NTM: variants seen among roughly 807,000 people sequenced by gnomAD.
NTM encodes the protein neurotrimin.
NTM carries 13 observed loss-of-function variants against 42.1 expected under a neutral mutation model. The observed-to-expected ratio is 0.31, with a 90% CI of 0.20 to 0.49. The LOEUF (loss-of-function observed/expected upper bound fraction) is 0.49, where lower values mean the gene tolerates loss of function less well. Ranked by LOEUF, NTM falls within the 20% of genes least tolerant of loss-of-function variation. The probability of loss-of-function intolerance (pLI) is 0.99; values close to 1 mark genes in which losing one functional copy is unlikely to be tolerated. For synonymous variants in NTM, 187 were observed against 179.2 expected, an observed-to-expected ratio of 1.04 and a Z score of -0.35; for missense variants, 373 against 452.8, an observed-to-expected ratio of 0.82 and a Z score of 1.60.
intron 1 of NTM, among the ~76,000 whole-genome samples, chr11:131,699,392 T>C (rs1160002671): frequency 1.3e-5 from 2 of 152,106 alleles, no homozygotes; most frequent in Non-Finnish European, 2.9e-5. Flanking sequence ...GTAGAAAGCT[T>C]AAATTCAGTG....
intron 1 of NTM, among the ~76,000 whole-genome samples, chr11:131,515,460 C>G (rs1348115872): frequency 1.3e-5 from 2 of 152,138 alleles, no homozygotes; most frequent in East Asian, 3.9e-4. Context: ...GCTCTATCCT[C>G]CCCCAGCATG....
chr11:132,138,285 A>G (rs1331326628), intron 2 of NTM, among the ~76,000 whole-genome samples: 1 of 152,204 alleles, frequency 6.6e-6, no homozygotes, highest in Non-Finnish European at 1.5e-5. Flanking sequence ...AAGATAAAGT[A>G]TGTCTGGAAA....
chr11:131,773,010 CATAA>C (rs538733259), intron 1 of NTM, among the ~76,000 whole-genome samples: 90 of 152,288 alleles, frequency 5.9e-4, no homozygotes, highest in African/African-American at 2.2e-3. Context: ...GATGTACTGA[CATAA>C]ATAAAGGATA....
At chr11:131,622,271 G>A (rs1351909354) in intron 1 of NTM, among the ~76,000 whole-genome samples, 2 of 152,288 alleles carry the variant, frequency 1.3e-5, no homozygotes, top group Non-Finnish European at 2.9e-5. Context: ...TAAGAACAGA[G>A]GAAAGATGTA....
chr11:131,515,064 ACTATGC>A (rs1365398444), intron 1 of NTM, among the ~76,000 whole-genome samples: 1 of 152,058 alleles, frequency 6.6e-6, no homozygotes, highest in African/African-American at 2.4e-5. Context: ...AGCATGTGCC[ACTATGC>A]CTGGCTAAGT....
At chr11:132,323,414 T>G (rs1019603027) in intron 7 of NTM, among the ~76,000 whole-genome samples, 9 of 151,644 alleles carry the variant, frequency 5.9e-5, no homozygotes, top group African/African-American at 2.2e-4. Flanking sequence ...GCAAATAAAC[T>G]AGAAAATCTA....
At chr11:131,620,586 G>C (rs919125193) in intron 1 of NTM, among the ~76,000 whole-genome samples, 10 of 152,138 alleles carry the variant, frequency 6.6e-5, no homozygotes, top group Non-Finnish European at 1.2e-4. Flanking sequence ...AAACACACCA[G>C]GCATAATCCT....
chr11:132,185,958 A>G (rs2078326753), intron 3 of NTM, among the ~76,000 whole-genome samples: 1 of 152,222 alleles, frequency 6.6e-6, no homozygotes, highest in Non-Finnish European at 1.5e-5. Context: ...CTAATCAGAA[A>G]TAACTGCCGC....
chr11:131,372,463 C>A (rs573398503), intron 1 of NTM, among the ~76,000 whole-genome samples: 22 of 151,718 alleles, frequency 1.5e-4, no homozygotes, highest in Admixed American at 1.2e-3. Context: ...TGTGTGCGTG[C>A]GTGTGTGTGC....
At chr11:132,017,348 A>G (rs1157942354) in intron 2 of NTM, among the ~76,000 whole-genome samples, 1 of 151,938 alleles carries the variant, frequency 6.6e-6, no homozygotes, top group African/African-American at 2.4e-5. Flanking sequence ...TTTTATTCAC[A>G]TGGATGTTCA....
Position 132,083,323 on chromosome 11 carries a change from T to A in NTM, c.168-62959T>A, listed in dbSNP as rs75631763. On this transcript the variant is annotated intron_variant, in intron 2 of 8. Transcript: ENST00000683400. ...TGTTAAAAACAAATAGTGATAGGAC[T>A]GAGTTGTTTGCAAAATAAACTTTAG... Among the ~76,000 whole-genome samples the A allele has an allele frequency of 4.5e-3, 693 of 152,388 alleles. 2 individuals carry two copies. Among genetic ancestry groups the A allele is most frequent in the African/African-American group, 0.014 (585 of 41,596 alleles).
At chr11:132,134,509 A>G (rs939344347) in intron 2 of NTM, among the ~76,000 whole-genome samples, 2 of 151,416 alleles carry the variant, frequency 1.3e-5, no homozygotes, top group African/African-American at 4.8e-5. Flanking sequence ...CCCAAAAAAC[A>G]ATGTATCATT....
At chr11:131,934,047 G>A (rs1006993281) in intron 2 of NTM, among the ~76,000 whole-genome samples, 10 of 152,100 alleles carry the variant, frequency 6.6e-5, no homozygotes, top group African/African-American at 2.4e-4. Flanking sequence ...GACAGTTTAG[G>A]CCCTTTGATC....
At chr11:132,279,586 A>T (rs1346392123) in intron 4 of NTM, among the ~76,000 whole-genome samples, 1 of 152,214 alleles carries the variant, frequency 6.6e-6, no homozygotes, top group African/African-American at 2.4e-5. Flanking sequence ...ATATGTCTTC[A>T]TGCCTCTGAT....
rs117052799 is a variant in NTM, at chr11:131,588,805, C to T, written c.82+217917C>T. 9.1e-3 allele frequency among the ~76,000 whole-genome samples: 1,389 copies of T among 152,294 alleles called. 5 individuals are homozygous for T. Among genetic ancestry groups the T allele is most frequent in the Non-Finnish European group, 0.015 (987 of 68,030 alleles). On this transcript the variant is annotated intron_variant, in intron 1 of 8. Transcript: ENST00000683400. Reference sequence around the variant, plus strand: ...AAGACATTACATGTAAATATTAACTCTGGGCAATGTGTACTTATTGTTAAA... The same window carrying T: ...AAGACATTACATGTAAATATTAACTTTGGGCAATGTGTACTTATTGTTAAA...
chr11:131,702,510 A>C lies in NTM; in HGVS notation c.83-209054A>C, dbSNP rs2076177408. Among the ~76,000 whole-genome samples, 2 of 152,010 alleles carry C rather than the reference A, an allele frequency of 1.3e-5. 1 individual carries two copies. Among genetic ancestry groups the C allele is most frequent in the South Asian group, 4.2e-4 (2 of 4,810 alleles). On this transcript the variant is annotated intron_variant, in intron 1 of 8. Transcript: ENST00000683400. ...GGTGGTGGTATTGGGTTTAGAACTCACTCTCCACTCTGGACTCCTGAGTGA... is the reference window on the plus strand; with the variant it reads ...GGTGGTGGTATTGGGTTTAGAACTCCCTCTCCACTCTGGACTCCTGAGTGA...
At chr11:132,063,377 T>C (rs2080976741) in intron 2 of NTM, among the ~76,000 whole-genome samples, 1 of 152,184 alleles carries the variant, frequency 6.6e-6, no homozygotes, top group Admixed American at 6.5e-5. Context: ...GCTGGATTCT[T>C]CCAGAAGTGT....
intron 1 of NTM, among the ~76,000 whole-genome samples, chr11:131,741,527 T>C (rs1383343936): frequency 3.3e-5 from 5 of 152,354 alleles, no homozygotes. Context: ...TCATGGATTT[T>C]CCGGTAGAAA....
chr11:132,319,207 G>GTGAT (rs1295035826), intron 7 of NTM, among the ~76,000 whole-genome samples: 1 of 152,192 alleles, frequency 6.6e-6, no homozygotes, highest in African/African-American at 2.4e-5. Flanking sequence ...CAAAAGACAG[G>GTGAT]TGATTTCTGC....
Sources: gnomAD v4.1 joint callset for allele counts (sites outside exome capture counted in the v4.1 genomes callset) on GRCh38, gnomAD v4.1.1 for gene constraint, MANE v1.5 for transcripts, NCBI Gene and HGNC (gene_info 2026-07-23, HGNC 2026-07-21) for gene names.